Variants in JCAD observed in about 807,000 individuals in gnomAD.
JCAD encodes junctional cadherin 5-associated protein.
In JCAD, 40 loss-of-function variants were observed where a neutral mutation model predicts 98.0. The ratio of observed to expected loss-of-function variants is 0.41; its 90% CI spans 0.32 to 0.53. The LOEUF is 0.53. Ranked by LOEUF, JCAD falls within the 20% of genes least tolerant of loss-of-function variation. The pLI, the probability that JCAD is intolerant of heterozygous loss-of-function variation, is 0.31. For synonymous variants in JCAD, 691 were observed against 682.3 expected (o/e 1.01, Z -0.20); for missense variants, 1,705 against 1,738.1 (o/e 0.98, Z 0.34).
At chr10:30,051,462 T>C (rs994980350) in intron 1 of JCAD, among the ~76,000 whole-genome samples, 11 of 152,256 alleles carry the variant, frequency 7.2e-5, no homozygotes, top group African/African-American at 2.4e-4. Flanking sequence ...GAGCTTTTCA[T>C]AAATAACATG....
intron 1 of JCAD, among the ~76,000 whole-genome samples, chr10:30,094,184 A>C (rs1432068318): frequency 6.6e-6 from 1 of 152,136 alleles, no homozygotes; most frequent in Non-Finnish European, 1.5e-5. Flanking sequence ...GTTCATGCCT[A>C]TAATTCCAGC....
intron 2 of JCAD, among the ~76,000 whole-genome samples, chr10:30,038,875 C>T (rs1227856396): frequency 6.6e-6 from 1 of 151,990 alleles, no homozygotes. Context: ...CCTGGGGCAG[C>T]CGCCAGCTGC....
At chr10:30,079,242 G>A (rs1359685692) in intron 1 of JCAD, among the ~76,000 whole-genome samples, 5 of 151,504 alleles carry the variant, frequency 3.3e-5, no homozygotes, top group African/African-American at 1.2e-4. Context: ...AGCTACTCGG[G>A]AGGCTGAGGC....
chr10:30,048,008 C>A, intron 1 of JCAD, 137 bp from the exon 2 acceptor site: 1 of 538,196 alleles, frequency 1.9e-6, no homozygotes, highest in East Asian at 3.0e-5. Flanking sequence ...AAAGAGGGGA[C>A]ACAGGGATGG....
chr10:30,047,244 T>C (rs980862270), intron 2 of JCAD, among the ~76,000 whole-genome samples: 1 of 152,144 alleles, frequency 6.6e-6, no homozygotes. Flanking sequence ...TGGTGGCACA[T>C]GCCTGTAATC....
In JCAD at chr10:30,059,561, T is replaced by G. The variant is rs934520897; in HGVS notation, c.-139A>C. ...GGGGACCAGCGCGACCCGCCCCGCC[T>G]GCAGCCGCCGAGGCCGAGCATGCCC... On this transcript the variant is annotated 5_prime_UTR_variant, in exon 1 of 4. Coordinates refer to ENST00000375377, the MANE Select transcript of JCAD (RefSeq NM_020848.4). The surrounding 1 kb of genome is among the most constrained non-coding windows in gnomAD (Gnocchi z 5.0). 4 of 143,164 alleles carry G rather than the reference T, an allele frequency of 2.8e-5. No homozygotes were observed. Among genetic ancestry groups the G allele is most frequent in the African/African-American group, 1.2e-4 (4 of 33,950 alleles). The allele number at this position is 143,164 out of a possible 1,614,324, so 8.9% of individuals were successfully genotyped here.
intron 2 of JCAD, among the ~76,000 whole-genome samples, chr10:30,045,053 C>T (rs1837308772): frequency 6.6e-6 from 1 of 152,164 alleles, no homozygotes; most frequent in Non-Finnish European, 1.5e-5. Context: ...TGTATGAAAA[C>T]ATCCCAGGGC....
At chr10:30,084,915 C>A (rs145657077) in intron 1 of JCAD, among the ~76,000 whole-genome samples, 1 of 152,232 alleles carries the variant, frequency 6.6e-6, no homozygotes, top group Non-Finnish European at 1.5e-5. Flanking sequence ...CTGTAACACA[C>A]TGATGAATAC....
upstream of JCAD, among the ~76,000 whole-genome samples, chr10:30,063,152 GA>G (rs34177789): frequency 0.029 from 4,186 of 145,860 alleles, 186 homozygotes; most frequent in African/African-American, 0.095. Context: ...TTAAACACAG[GA>G]AAAAAAAAAA....
chr10:30,101,500 A>C lies in JCAD; in HGVS notation n.128+13867T>G, dbSNP rs563351991. 6.6e-4 allele frequency among the ~76,000 whole-genome samples: 100 copies of C among 152,284 alleles called. 1 individual carries two copies. The highest frequency in any genetic ancestry group is 6.8e-3 in the Middle Eastern group (2 of 294). Reference sequence around the variant, plus strand: ...TCCTTTCCTATCATGGCATGAAACTAGTTTTTCAGGCTAACTTATTTATTT... The same window carrying C: ...TCCTTTCCTATCATGGCATGAAACTCGTTTTTCAGGCTAACTTATTTATTT... On this transcript the variant is annotated intron_variant and non_coding_transcript_variant, in intron 1 of 2. Transcript: ENST00000465712.
intron 2 of JCAD, among the ~76,000 whole-genome samples, chr10:30,034,677 T>TG (rs1837076327): frequency 6.6e-6 from 1 of 152,064 alleles, no homozygotes; most frequent in African/African-American, 2.4e-5. Context: ...AGTCCTCCCC[T>TG]GGGGACTCCT....
At position 30,027,180 on chromosome 10, in the gene JCAD, C is replaced by A. The variant is rs966996917; in HGVS notation, c.2968G>T (p.Ala990Ser). ...SRSSDAKPLP[A>S]SYPAEPREPQ... is the part of the protein sequence containing the mutation. ...TCCCTAGGTTCAGCTGGATAGGACG[C>A]GGGCAGTGGTTTTGCGTCACTTGAT... The change falls in exon 3 of 4, where the codon GCG becomes TCG. Residue 990 changes from alanine (A) to serine (S), a missense_variant. Physicochemically the swap from Ala to Ser is moderately conservative, Grantham distance 99 (BLOSUM62 1). Around this residue, in one of 3 missense-constraint regions of JCAD, gnomAD observed 1,278 missense variants for 1,243.1 expected, o/e 1.03. Transcript: ENST00000375377. The A allele has an allele frequency of 6.2e-7, 1 of 1,614,138 alleles. No individual in the cohort carries two copies. The highest frequency in any genetic ancestry group is 1.1e-5 in the South Asian group (1 of 91,076).
At chr10:30,055,771 C>A (rs1409434004) in intron 1 of JCAD, among the ~76,000 whole-genome samples, 1 of 152,126 alleles carries the variant, frequency 6.6e-6, no homozygotes, top group Admixed American at 6.5e-5. Flanking sequence ...ATCAAAAGGA[C>A]CTTGGAACAT....
At position 30,027,942 on chromosome 10, in the gene JCAD, A is replaced by G; in HGVS notation, c.2206T>C (p.Phe736Leu). 7 of 1,614,240 alleles carry G rather than the reference A, an allele frequency of 4.3e-6. No individual in the cohort carries two copies. The highest frequency in any genetic ancestry group is 5.1e-6 in the Non-Finnish European group (6 of 1,180,044). Residue 736 changes from phenylalanine (F) to leucine (L), a missense_variant, in exon 3 of 4, where the codon TTC (phenylalanine) becomes CTC (leucine). This residue lies in a region of JCAD where 1,278 missense variants were observed against 1,243.1 expected (regional missense o/e 1.03). Transcript: ENST00000375377. ...CTCTGTTTGTGATCACCGGTAGGGA[A>G]TGCTGTGTGCGTCTGAGCTTCGGAG... Reference protein sequence around the residue: ...AASEAQTHTAFPTGDHKQRPS... With the variant: ...AASEAQTHTALPTGDHKQRPS...
At chr10:30,095,688 G>A (rs1241535066) in intron 1 of JCAD, among the ~76,000 whole-genome samples, 1 of 152,168 alleles carries the variant, frequency 6.6e-6, no homozygotes, top group Non-Finnish European at 1.5e-5. Flanking sequence ...CATGGTCAAG[G>A]GCTGTGTCTC....
chr10:30,027,000 A>T lies in JCAD; in HGVS notation c.3148T>A (p.Ser1050Thr), dbSNP rs1402820394. ...NRGLSAPDLR[S>T]VGLTPGQEQG... is the part of the protein sequence containing the mutation. ...TCTTGCCCAGGGGTGAGCCCCACAG[A>T]CCGTAAGTCTGGAGCTGAGAGCCCT... Residue 1050 changes from serine to threonine, a missense_variant, in exon 3 of 4, where the codon TCT becomes ACT. Around this residue, in one of 3 missense-constraint regions of JCAD, gnomAD observed 1,278 missense variants for 1,243.1 expected, o/e 1.03. Coordinates refer to ENST00000375377, the MANE Select transcript of JCAD (RefSeq NM_020848.4). 6.2e-6 allele frequency: 10 copies of T among 1,614,106 alleles called. No individual in the cohort carries two copies. The South Asian group carries it at 1.1e-4, about 18-fold the overall frequency.
At chr10:30,038,728 AAG>A (rs1837175497) in intron 2 of JCAD, among the ~76,000 whole-genome samples, 1 of 151,616 alleles carries the variant, frequency 6.6e-6, no homozygotes, top group Non-Finnish European at 1.5e-5. Flanking sequence ...AGAAAAGAGA[AAG>A]AGAAAGAGAG....
rs1046349100 is a variant in JCAD at position 30,115,068 on chromosome 10, C to T, written n.128+299G>A. Among the ~76,000 whole-genome samples, 11 of 152,284 alleles carry T rather than the reference C, an allele frequency of 7.2e-5. No individual in the cohort carries two copies. The Middle Eastern group carries it at 0.01, about 141-fold the overall frequency. ...CACTGCCCCAGACAGTGAATAAGAC[C>T]AACCGACTGTTTTCTACCTTTGTAA... On this transcript the variant is annotated intron_variant and non_coding_transcript_variant, in intron 1 of 2. Transcript: ENST00000465712.
chr10:30,092,765 C>T (rs1373424770), intron 1 of JCAD, among the ~76,000 whole-genome samples: 2 of 152,060 alleles, frequency 1.3e-5, no homozygotes, highest in African/African-American at 4.8e-5. Context: ...GTACTTCCAC[C>T]GGAGCATGGA....
Sources: gnomAD v4.1 joint callset for allele counts (sites outside exome capture counted in the v4.1 genomes callset) on GRCh38, gnomAD v4.1.1 for gene constraint, gnomAD v4.1.1 regional missense constraint, Gnocchi (gnomAD v3.1) non-coding constraint, MANE v1.5 for transcripts, NCBI Gene and HGNC (gene_info 2026-07-23, HGNC 2026-07-21) for gene names.